Variants in RIMS2 observed in about 807,000 individuals in gnomAD.
RIMS2 encodes the protein regulating synaptic membrane exocytosis 2, also known as regulating synaptic membrane exocytosis protein 2.
RIMS2 carries 59 observed loss-of-function variants against 174.4 expected under a neutral mutation model. That is an observed-to-expected ratio of 0.34 (90% CI 0.27 to 0.42). The LOEUF (loss-of-function observed/expected upper bound fraction) is 0.42, where lower values mean the gene tolerates loss of function less well. Ranked by LOEUF, RIMS2 falls within the 10% of genes least tolerant of loss-of-function variation. The pLI is 1.00. For synonymous variants in RIMS2, 606 were observed against 572.5 expected, an observed-to-expected ratio of 1.06 and a Z score of -0.84; for missense variants, 1,620 against 1,666.3, an observed-to-expected ratio of 0.97 and a Z score of 0.48.
At chr8:103,736,695 T>A (rs574840002) in intron 2 of RIMS2, among the ~76,000 whole-genome samples, 1 of 152,306 alleles carries the variant, frequency 6.6e-6, no homozygotes, top group Admixed American at 6.5e-5. Context: ...GGATTTTGTA[T>A]GGAAATAAAA....
intron 1 of RIMS2, among the ~76,000 whole-genome samples, chr8:103,543,656 C>T (rs1232214761): frequency 6.6e-6 from 1 of 152,102 alleles, no homozygotes; most frequent in Non-Finnish European, 1.5e-5. Flanking sequence ...ATATATAGAC[C>T]AGTGGAACAG....
intron 19 of RIMS2, among the ~76,000 whole-genome samples, chr8:104,165,878 C>T (rs569795900): frequency 3.9e-5 from 6 of 152,060 alleles, no homozygotes; most frequent in Non-Finnish European, 7.4e-5. Flanking sequence ...AAAATGGTGT[C>T]GTGCAGGCAC....
chr8:104,096,882 A>T (rs1292814874), intron 19 of RIMS2, among the ~76,000 whole-genome samples: 1 of 151,830 alleles, frequency 6.6e-6, no homozygotes, highest in Admixed American at 6.6e-5. Flanking sequence ...CACCAAAAAA[A>T]AAAAAAGAAA....
At chr8:103,943,749 T>C (rs1185224813) in intron 14 of RIMS2, among the ~76,000 whole-genome samples, 1 of 152,160 alleles carries the variant, frequency 6.6e-6, no homozygotes, top group African/African-American at 2.4e-5. Flanking sequence ...GGTGTATGCA[T>C]ACTGTTTTGC....
intron 19 of RIMS2, among the ~76,000 whole-genome samples, chr8:104,017,847 G>A (rs558106910): frequency 6.6e-6 from 1 of 152,258 alleles, no homozygotes; most frequent in Admixed American, 6.5e-5. Flanking sequence ...AGGCTGAGGT[G>A]GGTGGATTGC....
chr8:104,061,148 C>T (rs970332296), intron 19 of RIMS2, among the ~76,000 whole-genome samples: 1 of 152,164 alleles, frequency 6.6e-6, no homozygotes, highest in African/African-American at 2.4e-5. Flanking sequence ...TCTCGTTGAT[C>T]TGTCTAATGT....
intron 1 of RIMS2, among the ~76,000 whole-genome samples, chr8:103,607,952 T>A (rs1241942625): frequency 6.9e-6 from 1 of 144,776 alleles, no homozygotes. Flanking sequence ...CTGAATGTCC[T>A]CCCATAGCTC....
At chr8:103,609,873 C>T (rs189228295) in intron 1 of RIMS2, among the ~76,000 whole-genome samples, 17 of 152,186 alleles carry the variant, frequency 1.1e-4, no homozygotes, top group Non-Finnish European at 1.9e-4. Flanking sequence ...TGAAGTATGT[C>T]ATTGGTAGTT....
Position 103,809,534 on chromosome 8 carries a change from C to G in RIMS2, c.698+42997C>G, listed in dbSNP as rs184041076. Among the ~76,000 whole-genome samples the G allele has an allele frequency of 1.6e-3, 248 of 151,914 alleles. 2 individuals carry two copies. The highest frequency in any genetic ancestry group is 1.4e-3 in the East Asian group (7 of 5,164). On this transcript the variant is annotated intron_variant, in intron 3 of 23. Transcript: ENST00000504942. ...TTTCTTTCCTGTGAGCTCTTTAGTA[C>G]TTAGAAAAGTACCTATGATACTTTA...
chr8:104,218,985 A>G (rs1227222867), intron 19 of RIMS2, among the ~76,000 whole-genome samples: 1 of 152,178 alleles, frequency 6.6e-6, no homozygotes. Context: ...CTGAGTATTT[A>G]CTTAAGTGAT....
rs137874903 is a variant in RIMS2, at chr8:103,963,200, T to C, written c.2770+2067T>C. Among the ~76,000 whole-genome samples, 695 of 152,194 alleles carry C rather than the reference T, an allele frequency of 4.6e-3. 7 individuals are homozygous for C. The highest frequency in any genetic ancestry group is 0.015 in the African/African-American group (620 of 41,522). On this transcript the variant is annotated intron_variant, in intron 15 of 23. Transcript: ENST00000504942. ...AAGGACCACCAGATAAAATAAATAA[T>C]ATATTTTCTGGGTAAAGCAACTCAG...
intron 1 of RIMS2, among the ~76,000 whole-genome samples, chr8:103,688,930 G>A (rs1432167846): frequency 2.0e-5 from 3 of 151,540 alleles, no homozygotes; most frequent in Non-Finnish European, 4.4e-5. Flanking sequence ...AGTTTCTTTG[G>A]TCGTAATTTT....
At chr8:103,607,495 T>C (rs575901743) in intron 1 of RIMS2, among the ~76,000 whole-genome samples, 2,361 of 151,360 alleles carry the variant, frequency 0.016, 51 homozygotes, top group African/African-American at 0.051. Context: ...TTGCTCTTCT[T>C]GAGGAGTATC....
At chr8:103,826,953 G>A (rs1474706750) in intron 3 of RIMS2, among the ~76,000 whole-genome samples, 2 of 151,936 alleles carry the variant, frequency 1.3e-5, no homozygotes, top group African/African-American at 2.4e-5. Flanking sequence ...TGGGATTACA[G>A]GCATGAGCCA....
intron 2 of RIMS2, among the ~76,000 whole-genome samples, chr8:103,710,650 G>A (rs900379804): frequency 6.6e-6 from 1 of 151,722 alleles, no homozygotes; most frequent in South Asian, 2.1e-4. Context: ...TTACTTTTTG[G>A]TAAGAAAAGT....
At chr8:103,958,601 TAAAGA>T (rs1479777875) in intron 14 of RIMS2, among the ~76,000 whole-genome samples, 1 of 152,108 alleles carries the variant, frequency 6.6e-6, no homozygotes, top group South Asian at 2.1e-4. Flanking sequence ...ATGCTATTCA[TAAAGA>T]AAAGAAAATA....
At chr8:103,939,055 G>T (rs1453124427) in intron 13 of RIMS2, among the ~76,000 whole-genome samples, 1 of 152,170 alleles carries the variant, frequency 6.6e-6, no homozygotes, top group East Asian at 1.9e-4. Context: ...GCAAGCTGTA[G>T]ATGGATCTAC....
downstream of RIMS2, chr8:104,251,882 G>A (rs1383039736): frequency 2.2e-6 from 2 of 899,418 alleles, no homozygotes; most frequent in South Asian, 1.4e-5. Context: ...AAAAATCACA[G>A]GTTGCAAACC....
Position 103,942,936 on chromosome 8 carries a change from A to G in RIMS2, c.2701+10A>G, listed in dbSNP as rs1008133598. 2.5e-6 allele frequency: 4 copies of G among 1,594,102 alleles called. No individual in the cohort carries two copies. Among genetic ancestry groups the G allele is most frequent in the African/African-American group, 2.7e-5 (2 of 74,144 alleles). On this transcript the variant is annotated intron_variant, in intron 14 of 23. Coordinates refer to ENST00000504942, the Ensembl canonical transcript of RIMS2. ...ACACGGAGGTTGCAAAGTAAGTTTTACTAAAATTCTTTCATATTTTTATTG... is the reference window on the plus strand; with the variant it reads ...ACACGGAGGTTGCAAAGTAAGTTTTGCTAAAATTCTTTCATATTTTTATTG...
Sources: gnomAD v4.1 joint callset for allele counts (sites outside exome capture counted in the v4.1 genomes callset) on GRCh38, gnomAD v4.1.1 for gene constraint, MANE v1.5 for transcripts, NCBI Gene and HGNC (gene_info 2026-07-23, HGNC 2026-07-21) for gene names.